DNM3: variants seen among roughly 807,000 people sequenced by gnomAD.
The protein encoded by DNM3 is dynamin-3.
A neutral mutation model predicts 101.6 loss-of-function variants in DNM3; 47 were observed. The observed-to-expected ratio is 0.46, with a 90% CI of 0.37 to 0.59. The LOEUF (loss-of-function observed/expected upper bound fraction) is 0.59. Ranked by LOEUF, DNM3 falls within the 20% of genes least tolerant of loss-of-function variation. The pLI, the probability that DNM3 is intolerant of heterozygous loss-of-function variation, is 0.00. For missense variants in DNM3, 849 were observed against 1,085.7 expected (o/e 0.78, Z 3.06); for synonymous variants, 385 against 387.9 (o/e 0.99, Z 0.09).
intron 4 of DNM3, among the ~76,000 whole-genome samples, chr1:171,992,931 C>T (rs960805544): frequency 3.3e-5 from 5 of 151,850 alleles, no homozygotes; most frequent in African/African-American, 4.8e-5. Context: ...TAATTTATAG[C>T]AATCTAGTTT....
intron 14 of DNM3, among the ~76,000 whole-genome samples, chr1:172,184,090 G>T (rs1038651498): frequency 6.6e-6 from 1 of 151,976 alleles, no homozygotes; most frequent in Non-Finnish European, 1.5e-5. Context: ...AAAGTAGCGT[G>T]AGGATCCCTA....
chr1:172,212,519 A>G (rs954552657), intron 14 of DNM3, among the ~76,000 whole-genome samples: 1 of 152,176 alleles, frequency 6.6e-6, no homozygotes, highest in African/African-American at 2.4e-5. Flanking sequence ...TTCAAAAATT[A>G]CCAACTCATT....
At chr1:172,399,837 TG>T (rs2149108697) in intron 20 of DNM3, 1 of 151,640 alleles carries the variant, frequency 6.6e-6, no homozygotes, top group Non-Finnish European at 1.5e-5. Flanking sequence ...TCATCAGGTA[TG>T]AAGGTCAGGC....
intron 14 of DNM3, among the ~76,000 whole-genome samples, chr1:172,183,130 G>A (rs1374398580): frequency 6.6e-6 from 1 of 152,014 alleles, no homozygotes; most frequent in Non-Finnish European, 1.5e-5. Flanking sequence ...GAGGGAAAGG[G>A]GATGAGAAGA....
intron 14 of DNM3, among the ~76,000 whole-genome samples, chr1:172,245,241 G>A (rs569501194): frequency 4.6e-5 from 7 of 152,240 alleles, no homozygotes; most frequent in South Asian, 2.1e-4. Context: ...GATTAACAAC[G>A]ATAATAAATA....
rs141520844 is a variant in DNM3 at position 171,850,006 on chromosome 1, T to C, written c.161+8189T>C. Among the ~76,000 whole-genome samples the C allele has an allele frequency of 3.1e-4, 47 of 152,328 alleles. No individual in the cohort carries two copies. In the Middle Eastern group the frequency reaches 0.014, roughly 44 times the overall value. ...GCTGTGATATAAAGTAAACCATTCT[T>C]AGCATATTCCTTTTCTTTTGGAAAT... On this transcript the variant is annotated intron_variant, in intron 1 of 20. Coordinates refer to ENST00000627582, the MANE Select transcript of DNM3 (RefSeq NM_015569.5).
intron 11 of DNM3, among the ~76,000 whole-genome samples, chr1:172,080,844 GCA>G (rs772285782): frequency 3.3e-5 from 5 of 152,152 alleles, no homozygotes; most frequent in Non-Finnish European, 7.3e-5. Flanking sequence ...ATTCCTCACA[GCA>G]CAGTCAGTCA....
At chr1:171,948,135 G>T (rs1238385285) in intron 2 of DNM3, among the ~76,000 whole-genome samples, 1 of 152,190 alleles carries the variant, frequency 6.6e-6, no homozygotes, top group Non-Finnish European at 1.5e-5. Context: ...CACTCTACTT[G>T]TAGCAAACAG....
At chr1:172,046,991 C>G (rs1235881752) in intron 9 of DNM3, among the ~76,000 whole-genome samples, 1 of 146,678 alleles carries the variant, frequency 6.8e-6, no homozygotes, top group African/African-American at 2.6e-5. Flanking sequence ...ATATGCCTAC[C>G]AACAGGGGAT....
At chr1:172,008,193 T>G (rs896109746) in intron 4 of DNM3, among the ~76,000 whole-genome samples, 1 of 151,922 alleles carries the variant, frequency 6.6e-6, no homozygotes, top group Non-Finnish European at 1.5e-5. Flanking sequence ...TATGCAGAAG[T>G]TTTTTAGTGT....
At chr1:171,980,202 G>A (rs2044690094) in intron 2 of DNM3, among the ~76,000 whole-genome samples, 1 of 147,106 alleles carries the variant, frequency 6.8e-6, no homozygotes. Flanking sequence ...TAGCAATACA[G>A]TTGAGTTCTG....
intron 9 of DNM3, among the ~76,000 whole-genome samples, chr1:172,047,124 C>T (rs2049874370): frequency 6.6e-6 from 1 of 151,530 alleles, no homozygotes; most frequent in Admixed American, 6.6e-5. Flanking sequence ...ATTTTTTTTT[C>T]CCATTTGATT....
intron 2 of DNM3, among the ~76,000 whole-genome samples, chr1:171,983,933 A>ACATCC (rs1194381966): frequency 1.3e-5 from 2 of 151,976 alleles, no homozygotes; most frequent in Non-Finnish European, 2.9e-5. Flanking sequence ...GTCCCAACCC[A>ACATCC]CATCCCATCC....
At chr1:172,177,550 T>C (rs914340007) in intron 14 of DNM3, among the ~76,000 whole-genome samples, 10 of 151,884 alleles carry the variant, frequency 6.6e-5, no homozygotes, top group Non-Finnish European at 1.3e-4. Context: ...TTGAAAATGT[T>C]GAGAAAGAAG....
intron 1 of DNM3, 132 bp from the exon 2 acceptor site, chr1:171,921,616 G>A (rs940914056): frequency 3.6e-5 from 25 of 691,224 alleles, no homozygotes; most frequent in Admixed American, 1.4e-4. Flanking sequence ...ATTAAGATGG[G>A]CCTATCATTG....
intron 15 of DNM3, among the ~76,000 whole-genome samples, chr1:172,273,765 G>A (rs921837033): frequency 6.6e-6 from 1 of 151,984 alleles, no homozygotes; most frequent in East Asian, 1.9e-4. Context: ...AGTGAAAAAA[G>A]CAAACTAGTA....
chr1:172,248,321 G>A (rs1044545261), intron 14 of DNM3, among the ~76,000 whole-genome samples: 2 of 152,052 alleles, frequency 1.3e-5, no homozygotes, highest in Non-Finnish European at 2.9e-5. Context: ...CAGCATGTTG[G>A]GGTTTTATTT....
intron 20 of DNM3, among the ~76,000 whole-genome samples, chr1:172,401,303 GTAAATCATCCTT>G (rs1301811574): frequency 6.6e-6 from 1 of 152,128 alleles, no homozygotes; most frequent in Non-Finnish European, 1.5e-5. Context: ...GTTAATGTGG[GTAAATCATCCTT>G]TAAGCTGCTT....
chr1:171,891,433 T>A (rs1050643877), intron 1 of DNM3, among the ~76,000 whole-genome samples: 2 of 152,140 alleles, frequency 1.3e-5, no homozygotes, highest in Non-Finnish European at 2.9e-5. Flanking sequence ...ATTAGTATGG[T>A]ATGTTTGTTG....
Sources: gnomAD v4.1 joint callset for allele counts (sites outside exome capture counted in the v4.1 genomes callset) on GRCh38, gnomAD v4.1.1 for gene constraint, MANE v1.5 for transcripts, NCBI Gene and HGNC (gene_info 2026-07-23, HGNC 2026-07-21) for gene names.